Variants in COPG1 observed in about 807,000 individuals in gnomAD.
The protein encoded by COPG1 is coatomer subunit gamma-1.
In COPG1, 29 loss-of-function variants were observed where a neutral mutation model predicts 102.8. That is an observed-to-expected ratio of 0.28 (90% confidence interval 0.21 to 0.38). COPG1 has a LOEUF of 0.38. Ranked by LOEUF, COPG1 falls within the 10% of genes least tolerant of loss-of-function variation. The pLI, the probability that COPG1 is intolerant of heterozygous loss-of-function variation, is 1.00. For synonymous variants in COPG1, 406 were observed against 421.6 expected (o/e 0.96, Z 0.45); for missense variants, 875 against 1,132.7 (o/e 0.77, Z 3.27).
In COPG1 at chr3:129,277,741, A is replaced by C. The variant is rs1940308621; in HGVS notation, c.*317A>C. The C allele has an allele frequency of 3.6e-6, 1 of 277,202 alleles. No homozygotes were observed. Among genetic ancestry groups the C allele is most frequent in the Non-Finnish European group, 7.1e-6 (1 of 140,270 alleles). 17.2% of individuals were successfully genotyped at this position (277,202 alleles called of 1,614,324 possible). The stretch of plus-strand genomic sequence containing the variant: ...AATCTATCCCCCAAGAAACCATCTT[A>C]TCCCTGTAATAAATCAGCATGTATT... On this transcript the variant is annotated 3_prime_UTR_variant, in exon 24 of 24. Transcript: ENST00000314797.
chr3:129,250,979 A>G, intron 2 of COPG1: 1 of 372,566 alleles, frequency 2.7e-6, no homozygotes, highest in Non-Finnish European at 4.8e-6. Context: ...GCTGGAGTGC[A>G]GTGGCGTGAT....
intron 21 of COPG1, among the ~76,000 whole-genome samples, 189 bp from the exon 22 acceptor site, chr3:129,274,649 C>T (rs1449664455): frequency 6.6e-6 from 1 of 152,138 alleles, no homozygotes; most frequent in Admixed American, 6.5e-5. Flanking sequence ...GAAGGGATAC[C>T]ATTTGCCTTT....
chr3:129,266,199 T>A (rs1005598493), intron 14 of COPG1, among the ~76,000 whole-genome samples: 1 of 152,160 alleles, frequency 6.6e-6, no homozygotes, highest in Non-Finnish European at 1.5e-5. Flanking sequence ...CTCGATCTCT[T>A]GACCTCATCA....
intron 17 of COPG1, 48 bp downstream of exon 17, chr3:129,268,668 G>A (rs776143043): frequency 2.5e-6 from 4 of 1,602,582 alleles, no homozygotes; most frequent in Non-Finnish European, 3.4e-6. Context: ...GGCCTCTGTT[G>A]GAGGGTCTGC....
chr3:129,257,217 T>C (rs1342759614), intron 8 of COPG1, among the ~76,000 whole-genome samples: 1 of 152,240 alleles, frequency 6.6e-6, no homozygotes, highest in African/African-American at 2.4e-5. Flanking sequence ...TCTGTATTTA[T>C]GCTACCTGTT....
chr3:129,255,872 T>G (rs1328986954), intron 7 of COPG1, among the ~76,000 whole-genome samples, 196 bp from the exon 8 acceptor site: 2 of 151,682 alleles, frequency 1.3e-5, no homozygotes, highest in South Asian at 4.2e-4. Context: ...TTGAAGAGAG[T>G]CGTGGGTGGA....
Position 129,252,340 on chromosome 3 carries a change from G to A in COPG1, c.150G>A (p.Lys50=), listed in dbSNP as rs142574517. The A allele has an allele frequency of 3.8e-5, 62 of 1,612,304 alleles. No homozygotes were observed. The highest frequency in any genetic ancestry group is 3.3e-4 in the Middle Eastern group (2 of 6,058). The change falls in exon 3 of 24, where the codon AAG becomes AAA. Residue 50 remains lysine (K), a synonymous_variant. Transcript: ENST00000314797. ...GGAAATGTGCCCACATCCTCACCAA[G>A]ATTCTTTATCTCATAAACCAGGTAA... ...NPRKCAHILT[K]ILYLINQGEH... is the part of the protein sequence containing the mutation.
intron 18 of COPG1, 144 bp downstream of exon 18, chr3:129,269,144 G>T: frequency 1.4e-6 from 1 of 697,500 alleles, no homozygotes; most frequent in Non-Finnish European, 2.5e-6. Context: ...TGACCCTCAG[G>T]TGGTGGTTGT....
At position 129,259,481 on chromosome 3, in the gene COPG1, G is replaced by A. The variant is rs113397679; in HGVS notation, c.872-852G>A. ...ATCTCAAAAAAAAAAAAAAAAAAAAGAAATGGAAAAAGAACTAATGAATTC... is the reference window on the plus strand; with the variant it reads ...ATCTCAAAAAAAAAAAAAAAAAAAAAAAATGGAAAAAGAACTAATGAATTC... On this transcript the variant is annotated intron_variant, in intron 10 of 23. Transcript: ENST00000314797. 4.8e-3 allele frequency among the ~76,000 whole-genome samples: 548 copies of A among 114,252 alleles called. 9 individuals are homozygous for A. The highest frequency in any genetic ancestry group is 0.015 in the African/African-American group (247 of 16,724). 75.0% of individuals were successfully genotyped at this position (114,252 alleles called of 152,430 possible). A position where few individuals can be genotyped will look rare whatever the true frequency, so the allele number is the denominator to read the frequency against.
Position 129,275,028 on chromosome 3 carries a change from G to T in COPG1, c.2395+52G>T. The stretch of plus-strand genomic sequence containing the variant: ...GCCTAATTACTGTTCAAGATCTTTG[G>T]CTACTATTGAAGTGCTCATCCCTTT... On this transcript the variant is annotated intron_variant, in intron 22 of 23. Coordinates refer to ENST00000314797, the MANE Select transcript of COPG1 (RefSeq NM_016128.4). The surrounding 1 kb of genome is among the most constrained non-coding windows in gnomAD (Gnocchi z 5.0). The T allele has an allele frequency of 6.2e-7, 1 of 1,601,098 alleles. No individual in the cohort carries two copies. Among genetic ancestry groups the T allele is most frequent in the Non-Finnish European group, 8.6e-7 (1 of 1,169,452 alleles).
In COPG1 at chr3:129,272,367, G is replaced by A. The variant is rs113756488; in HGVS notation, c.2110G>A (p.Gly704Arg). 39 of 1,613,928 alleles carry A rather than the reference G, an allele frequency of 2.4e-5. No homozygotes were observed. Among genetic ancestry groups the A allele is most frequent in the African/African-American group, 8.0e-5 (6 of 74,902 alleles). ...PARSLPYNQP[G>R]TCYTLVALPK... is the part of the protein sequence containing the mutation. ...CCGGAGCCTGCCCTACAACCAGCCC[G>A]GGACCTGCTACACACTGGTGGCACT... Residue 704 changes from glycine to arginine, a missense_variant, in exon 20 of 24, where the codon GGG becomes AGG. By Grantham distance (125) the Gly-to-Arg change is moderately radical. Transcript: ENST00000314797.
At position 129,269,009 on chromosome 3, in the gene COPG1, C is replaced by G. The variant is rs545410216; in HGVS notation, c.1843+9C>G. The G allele has an allele frequency of 6.2e-6, 10 of 1,613,436 alleles. No individual in the cohort carries two copies. In the Admixed American group the frequency reaches 1.7e-4, roughly 27 times the overall value. On this transcript the variant is annotated intron_variant, in intron 18 of 23. Coordinates refer to ENST00000314797, the MANE Select transcript of COPG1 (RefSeq NM_016128.4). ...GCAGGAGATCTTCCAGGGTGAGTCA[C>G]AGTGGTTGGGGGATGCTTGGGACCT...
intron 2 of COPG1, among the ~76,000 whole-genome samples, chr3:129,251,249 C>T (rs971695497): frequency 1.9e-4 from 29 of 151,012 alleles, no homozygotes; most frequent in Non-Finnish European, 3.4e-4. Context: ...TAAAAAATTT[C>T]TCTATTTAAA....
intron 17 of COPG1, 64 bp downstream of exon 17, chr3:129,268,684 C>CTT: frequency 1.3e-6 from 2 of 1,576,436 alleles, no homozygotes; most frequent in Non-Finnish European, 1.7e-6. Context: ...TCTGCATTGG[C>CTT]TGCAAAGCCA....
rs753484584 is a variant in COPG1, at chr3:129,254,757, G to A, written c.399+14G>A. The A allele has an allele frequency of 1.2e-6, 2 of 1,610,344 alleles. No individual in the cohort carries two copies. The highest frequency in any genetic ancestry group is 1.7e-6 in the Non-Finnish European group (2 of 1,176,892). ...CAGATCACTGATGTGAGTCGTGCCGGTTCCTCCCTGCTTCCTGGCCTCTTG... is the reference window on the plus strand; with the variant it reads ...CAGATCACTGATGTGAGTCGTGCCGATTCCTCCCTGCTTCCTGGCCTCTTG... On this transcript the variant is annotated intron_variant, in intron 6 of 23. Coordinates refer to ENST00000314797, the MANE Select transcript of COPG1 (RefSeq NM_016128.4).
chr3:129,268,665 G>A (rs1464840437), intron 17 of COPG1, 45 bp downstream of exon 17: 2 of 1,605,278 alleles, frequency 1.2e-6, no homozygotes, highest in African/African-American at 1.3e-5. Flanking sequence ...CCAGGCCTCT[G>A]TTGGAGGGTC....
At chr3:129,272,774 A>G in intron 20 of COPG1, 33 bp from the exon 21 acceptor site, 1 of 1,435,922 alleles carries the variant, frequency 7.0e-7, no homozygotes, top group Non-Finnish European at 9.8e-7. Flanking sequence ...CAGGCTGGGG[A>G]CATCCTAACT....
intron 1 of COPG1, among the ~76,000 whole-genome samples, chr3:129,250,157 T>G (rs1340809585): frequency 6.6e-6 from 1 of 152,224 alleles, no homozygotes; most frequent in East Asian, 1.9e-4. Context: ...ATCATTCATT[T>G]ATTCAGCAAA....
At position 129,268,593 on chromosome 3, in the gene COPG1, A is replaced by G; in HGVS notation, c.1747A>G (p.Thr583Ala). Residue 583 changes from threonine to alanine, a missense_variant, in exon 17 of 24, where the codon ACG becomes GCG. Transcript: ENST00000314797. Reference protein sequence around the residue: ...PFDLKSVPLATAPMAEQRTES... With the variant: ...PFDLKSVPLAAAPMAEQRTES... ...TGACCTCAAGTCTGTGCCCCTGGCC[A>G]CGGCGCCCATGGCAGAGCAGAGAAC... 6.2e-7 allele frequency: 1 copy of G among 1,614,188 alleles called. No homozygotes were observed. Among genetic ancestry groups the G allele is most frequent in the Non-Finnish European group, 8.5e-7 (1 of 1,180,038 alleles).
Sources: gnomAD v4.1 joint callset for allele counts (sites outside exome capture counted in the v4.1 genomes callset) on GRCh38, gnomAD v4.1.1 for gene constraint, Gnocchi (gnomAD v3.1) non-coding constraint, MANE v1.5 for transcripts, NCBI Gene and HGNC (gene_info 2026-07-23, HGNC 2026-07-21) for gene names.